The following FAF1 variants were observed in gnomAD, a reference collection of about 807,000 sequenced individuals.
FAF1 encodes the protein FAS-associated factor 1.
FAF1 carries 25 observed loss-of-function variants against 92.5 expected under a neutral mutation model. That is an observed-to-expected ratio of 0.27 (90% CI 0.20 to 0.38). FAF1 has a LOEUF of 0.38. Among genes scored for constraint, FAF1 ranks in the 10% least tolerant of loss-of-function variants. The pLI is 1.00. For missense variants in FAF1, 636 were observed against 793.3 expected (o/e 0.80, Z 2.38); for synonymous variants, 234 against 273.2 (o/e 0.86, Z 1.42).
intron 4 of FAF1, among the ~76,000 whole-genome samples, chr1:50,779,991 GACACACACAC>G (rs57528056): frequency 6.9e-6 from 1 of 145,528 alleles, no homozygotes; most frequent in African/African-American, 2.5e-5. Context: ...CAGACAGACA[GACACACACAC>G]ACACACACAC....
At chr1:50,774,544 TA>T (rs1219673069) in intron 4 of FAF1, among the ~76,000 whole-genome samples, 2 of 152,230 alleles carry the variant, frequency 1.3e-5, no homozygotes, top group Admixed American at 6.5e-5. Flanking sequence ...TCCAATATAG[TA>T]AAAGTAGCTT....
chr1:50,682,848 C>T (rs1229233026), intron 7 of FAF1, among the ~76,000 whole-genome samples: 1 of 151,942 alleles, frequency 6.6e-6, no homozygotes, highest in Non-Finnish European at 1.5e-5. Flanking sequence ...AATGCCAGCA[C>T]TTTGGGAGGA....
rs140912765 is a variant in FAF1 at position 50,465,524 on chromosome 1, G to T, written c.1869+9940C>A. 8.8e-3 allele frequency among the ~76,000 whole-genome samples: 1,336 copies of T among 152,284 alleles called. 6 individuals carry two copies. Among genetic ancestry groups the T allele is most frequent in the Non-Finnish European group, 0.014 (919 of 68,018 alleles). ...TTTCAGGTACTGTCCTAGGTGCCAG[G>T]AATGTATTAGTTAACAAATAAAGTT... On this transcript the variant is annotated intron_variant, in intron 18 of 18. Coordinates refer to ENST00000396153, the MANE Select transcript of FAF1 (RefSeq NM_007051.3).
rs1646146306 is a variant in FAF1 at position 50,438,705 on chromosome 1, ACTGACCAGCACACT to A, written c.*2721_*2734del. On this transcript the variant is annotated 3_prime_UTR_variant, in exon 19 of 19. Transcript: ENST00000396153. ...TCTCCACCTCTTAAAAACCTATTCT[ACTGACCAGCACACT>A]TAGATGTTATTATGTGACTAATATG... 6.6e-6 allele frequency: 1 copy of A among 152,206 alleles called. No individual in the cohort carries two copies. Among genetic ancestry groups the A allele is most frequent in the Admixed American group, 6.5e-5 (1 of 15,280 alleles). The allele number at this position is 152,206 out of a possible 1,614,324, so 9.4% of individuals were successfully genotyped here. A position where few individuals can be genotyped will look rare whatever the true frequency, so the allele number is the denominator to read the frequency against.
intron 15 of FAF1, among the ~76,000 whole-genome samples, chr1:50,512,897 A>G (rs1647155405): frequency 6.6e-6 from 1 of 152,062 alleles, no homozygotes; most frequent in Admixed American, 6.6e-5. Flanking sequence ...TTCACTGTCT[A>G]TCTATTGATT....
intron 15 of FAF1, among the ~76,000 whole-genome samples, chr1:50,518,730 G>C (rs1647332970): frequency 6.6e-6 from 1 of 152,132 alleles, no homozygotes; most frequent in Non-Finnish European, 1.5e-5. Context: ...ATGAGCCACT[G>C]TGCCCAGCCA....
intron 12 of FAF1, among the ~76,000 whole-genome samples, chr1:50,573,644 G>C (rs1003085011): frequency 6.6e-6 from 1 of 152,016 alleles, no homozygotes; most frequent in Non-Finnish European, 1.5e-5. Flanking sequence ...AACCAAATTG[G>C]AGAGGTTCCA....
At chr1:50,877,924 T>C (rs1018132771) in intron 1 of FAF1, among the ~76,000 whole-genome samples, 2 of 152,194 alleles carry the variant, frequency 1.3e-5, no homozygotes, top group Non-Finnish European at 2.9e-5. Context: ...TGGCCTTCTA[T>C]AACCCTAAGA....
chr1:50,808,519 A>C (rs1156545132), intron 2 of FAF1, among the ~76,000 whole-genome samples: 1 of 152,168 alleles, frequency 6.6e-6, no homozygotes, highest in African/African-American at 2.4e-5. Flanking sequence ...GACCCATCAC[A>C]CATATAAATG....
chr1:50,598,532 G>A (rs1278288888), intron 8 of FAF1, among the ~76,000 whole-genome samples: 3 of 151,022 alleles, frequency 2.0e-5, no homozygotes, highest in African/African-American at 4.9e-5. Flanking sequence ...TTCCTAACAG[G>A]CTTTCTGTGA....
chr1:50,530,480 T>C (rs1485269932), intron 15 of FAF1, among the ~76,000 whole-genome samples: 2 of 151,450 alleles, frequency 1.3e-5, no homozygotes, highest in African/African-American at 4.9e-5. Context: ...TAAAAGGATG[T>C]TACCAGAGGT....
At chr1:50,928,782 C>CA (rs1157426126) in intron 1 of FAF1, among the ~76,000 whole-genome samples, 1,449 of 39,434 alleles carry the variant, frequency 0.037, 28 homozygotes, top group Middle Eastern at 0.083. Flanking sequence ...GACTCCACCT[C>CA]AAAAAAAAAA....
At chr1:50,814,431 G>C (rs1375304156) in intron 2 of FAF1, among the ~76,000 whole-genome samples, 1 of 151,532 alleles carries the variant, frequency 6.6e-6, no homozygotes, top group Admixed American at 6.6e-5. Flanking sequence ...TATTGTGTGG[G>C]TACAATAAAA....
At chr1:50,754,785 G>T (rs1243469556) in intron 4 of FAF1, among the ~76,000 whole-genome samples, 4 of 152,140 alleles carry the variant, frequency 2.6e-5, no homozygotes, top group African/African-American at 7.2e-5. Flanking sequence ...AATGGTTGGG[G>T]AGGCCCTATA....
chr1:50,566,985 G>A lies in FAF1; in HGVS notation c.1268+92C>T, dbSNP rs1183678037. The stretch of plus-strand genomic sequence containing the variant: ...GAAATGCAATGGTAGAGAGTTTAAT[G>A]CTGAGGATGAAAAATGTTTATGATG... On this transcript the variant is annotated intron_variant, in intron 13 of 18. Coordinates refer to ENST00000396153, the MANE Select transcript of FAF1 (RefSeq NM_007051.3). 16 of 976,100 alleles carry A rather than the reference G, an allele frequency of 1.6e-5. No individual in the cohort carries two copies. In the Admixed American group the frequency reaches 4.2e-4, roughly 26 times the overall value. The allele number at this position is 976,100 out of a possible 1,614,324, so 60.5% of individuals were successfully genotyped here. A position where few individuals can be genotyped will look rare whatever the true frequency, so the allele number is the denominator to read the frequency against.
chr1:50,888,352 T>C (rs935000729), intron 1 of FAF1, among the ~76,000 whole-genome samples: 3 of 152,226 alleles, frequency 2.0e-5, no homozygotes, highest in Non-Finnish European at 2.9e-5. Flanking sequence ...CTTTTCTTAA[T>C]TGAATCCCCT....
chr1:50,748,037 AC>A (rs1327418738), intron 4 of FAF1, among the ~76,000 whole-genome samples: 1 of 152,156 alleles, frequency 6.6e-6, no homozygotes, highest in Non-Finnish European at 1.5e-5. Context: ...TTTATAAATT[AC>A]CCAGTCTCAG....
At chr1:50,642,365 C>A (rs1230326179) in intron 8 of FAF1, among the ~76,000 whole-genome samples, 1 of 151,210 alleles carries the variant, frequency 6.6e-6, no homozygotes, top group Non-Finnish European at 1.5e-5. Flanking sequence ...AAATATAATT[C>A]TTGGGCCAGG....
chr1:50,663,605 G>A (rs150695399), intron 7 of FAF1, among the ~76,000 whole-genome samples: 2,526 of 151,068 alleles, frequency 0.017, 162 homozygotes, highest in African/African-American at 0.058. Flanking sequence ...GGGTTTCACC[G>A]TATTGGCCAG....
Sources: allele counts gnomAD v4.1 joint callset (sites outside exome capture counted in the v4.1 genomes callset), GRCh38; gene constraint gnomAD v4.1.1; transcripts MANE v1.5; gene names NCBI Gene and HGNC (gene_info 2026-07-23, HGNC 2026-07-21).